Variants in SSH2 observed in about 807,000 individuals in gnomAD.
The protein encoded by SSH2 is protein phosphatase Slingshot homolog 2.
A neutral mutation model predicts 135.2 loss-of-function variants in SSH2; 37 were observed. The ratio of observed to expected loss-of-function variants is 0.27; its 90% CI spans 0.21 to 0.36. SSH2 has a LOEUF of 0.36. Among genes scored for constraint, SSH2 ranks in the 10% least tolerant of loss-of-function variants. SSH2 has a pLI of 1.00. For synonymous variants in SSH2, 628 were observed against 646.2 expected, an observed-to-expected ratio of 0.97 and a Z score of 0.43; for missense variants, 1,408 against 1,765.3, an observed-to-expected ratio of 0.80 and a Z score of 3.63.
chr17:29,742,847 C>A (rs1226335404), intron 3 of SSH2, among the ~76,000 whole-genome samples: 4 of 151,976 alleles, frequency 2.6e-5, no homozygotes, highest in Non-Finnish European at 4.4e-5. Flanking sequence ...GTTGGCCAGG[C>A]TGGTCTTGAA....
intron 3 of SSH2, among the ~76,000 whole-genome samples, chr17:29,750,990 C>T (rs1302964153): frequency 6.6e-6 from 1 of 152,128 alleles, no homozygotes; most frequent in Non-Finnish European, 1.5e-5. Flanking sequence ...TATCTTGCCA[C>T]ACTGGAAGGT....
At chr17:29,712,343 G>A (rs1407168589) in intron 3 of SSH2, among the ~76,000 whole-genome samples, 1 of 152,170 alleles carries the variant, frequency 6.6e-6, no homozygotes, top group Non-Finnish European at 1.5e-5. Flanking sequence ...GGGCAGTTTT[G>A]CCCTAAGCAC....
chr17:29,858,424 T>C (rs986420517), intron 1 of SSH2, among the ~76,000 whole-genome samples: 1 of 152,216 alleles, frequency 6.6e-6, no homozygotes, highest in African/African-American at 2.4e-5. Context: ...ATGTTTAAGT[T>C]TCAATCCCCA....
intron 2 of SSH2, among the ~76,000 whole-genome samples, chr17:29,819,593 A>G (rs1324220982): frequency 2.0e-5 from 3 of 152,252 alleles, no homozygotes; most frequent in Non-Finnish European, 2.9e-5. Flanking sequence ...CACTAACAAT[A>G]AGAAAAACTA....
chr17:29,762,046 A>G (rs1481552289), intron 3 of SSH2, among the ~76,000 whole-genome samples: 1 of 151,834 alleles, frequency 6.6e-6, no homozygotes, highest in Non-Finnish European at 1.5e-5. Flanking sequence ...ACGCCTGGCT[A>G]ATTTTTGTAT....
chr17:29,797,856 C>A (rs2042184425), intron 2 of SSH2, among the ~76,000 whole-genome samples: 1 of 151,998 alleles, frequency 6.6e-6, no homozygotes, highest in African/African-American at 2.4e-5. Context: ...CCACTGCATT[C>A]CAACCTGAGA....
chr17:29,768,087 T>C (rs945094961), intron 3 of SSH2, among the ~76,000 whole-genome samples: 5 of 152,104 alleles, frequency 3.3e-5, no homozygotes, highest in African/African-American at 1.2e-4. Context: ...CCATGATCTA[T>C]TAAATTAACT....
chr17:29,662,038 G>A (rs1451821967), intron 11 of SSH2, among the ~76,000 whole-genome samples: 1 of 152,116 alleles, frequency 6.6e-6, no homozygotes, highest in Non-Finnish European at 1.5e-5. Context: ...CCCCGCCCAT[G>A]CTTCATAGGC....
chr17:29,742,553 T>C lies in SSH2; in HGVS notation c.189-39491A>G, dbSNP rs2040604502. ...CTCACTATGTTGCCCAGGCTGGTCT[T>C]GAACTCTTGGGCCCAAGCAGTTCTC... On this transcript the variant is annotated intron_variant, in intron 3 of 15. Transcript: ENST00000540801. Among the ~76,000 whole-genome samples, 5 of 149,192 alleles carry C rather than the reference T, an allele frequency of 3.4e-5. 1 individual carries two copies. The highest frequency in any genetic ancestry group is 3.3e-4 in the Admixed American group (5 of 14,976).
rs149216988 is a variant in SSH2, at chr17:29,638,399, T to C, written c.1428-1597A>G. 3.8e-3 allele frequency among the ~76,000 whole-genome samples: 572 copies of C among 151,460 alleles called. 16 individuals are homozygous for C. Among genetic ancestry groups the C allele is most frequent in the Admixed American group, 0.035 (537 of 15,234 alleles). On this transcript the variant is annotated intron_variant, in intron 14 of 15. Transcript: ENST00000540801. ...CAAACACATTTGAAATTAGTGTCTATGTTAGAATAATATAGGAAAAAATCT... is the reference window on the plus strand; with the variant it reads ...CAAACACATTTGAAATTAGTGTCTACGTTAGAATAATATAGGAAAAAATCT...
intron 1 of SSH2, among the ~76,000 whole-genome samples, chr17:29,916,819 C>T (rs954897788): frequency 8.6e-5 from 13 of 152,012 alleles, no homozygotes; most frequent in Non-Finnish European, 1.6e-4. Context: ...GATGCTAACA[C>T]GTGGTTTATC....
chr17:29,826,757 C>T (rs1277372371), intron 2 of SSH2, among the ~76,000 whole-genome samples: 1 of 152,130 alleles, frequency 6.6e-6, no homozygotes, highest in African/African-American at 2.4e-5. Context: ...GACAGTGGCC[C>T]TGCTTGGGTC....
Position 29,833,968 on chromosome 17 carries a change from T to G in SSH2, c.144+14881A>C, listed in dbSNP as rs547013215. 4.1e-5 allele frequency among the ~76,000 whole-genome samples: 6 copies of G among 145,018 alleles called. No homozygotes were observed. The South Asian group carries it at 1.4e-3, about 33-fold the overall frequency. On this transcript the variant is annotated intron_variant, in intron 2 of 15. Coordinates refer to ENST00000540801, the MANE Select transcript of SSH2 (RefSeq NM_001282129.2). ...GCCTCCTTCCCTTCCTACCCTCCCT[T>G]TTTTGAAAGTTATTTTCTTTGATGT...
intron 3 of SSH2, among the ~76,000 whole-genome samples, chr17:29,705,886 C>G (rs1347630012): frequency 6.6e-6 from 1 of 152,150 alleles, no homozygotes; most frequent in African/African-American, 2.4e-5. Flanking sequence ...TTGTTTCCTT[C>G]AGAATATTTA....
intron 3 of SSH2, among the ~76,000 whole-genome samples, chr17:29,752,761 C>T (rs894822269): frequency 1.3e-5 from 2 of 150,592 alleles, no homozygotes; most frequent in Non-Finnish European, 2.9e-5. Flanking sequence ...TTGCCACATA[C>T]TCAGAATATA....
intron 2 of SSH2, among the ~76,000 whole-genome samples, chr17:29,805,419 T>G (rs944122876): frequency 2.6e-5 from 4 of 152,204 alleles, no homozygotes; most frequent in Admixed American, 2.6e-4. Flanking sequence ...CCTCCCAAAG[T>G]GCTGGGATTA....
chr17:29,903,759 A>T (rs1202718774), intron 1 of SSH2, among the ~76,000 whole-genome samples: 1 of 152,224 alleles, frequency 6.6e-6, no homozygotes, highest in African/African-American at 2.4e-5. Flanking sequence ...TATTCACCAA[A>T]TATGGATACA....
intron 3 of SSH2, among the ~76,000 whole-genome samples, chr17:29,732,534 T>C (rs2040230112): frequency 6.6e-6 from 1 of 152,188 alleles, no homozygotes; most frequent in African/African-American, 2.4e-5. Context: ...GGAAAGAGCA[T>C]TTCAGCCTAT....
At chr17:29,785,612 G>A (rs1452910454) in intron 3 of SSH2, among the ~76,000 whole-genome samples, 1 of 146,452 alleles carries the variant, frequency 6.8e-6, no homozygotes, top group Non-Finnish European at 1.5e-5. Context: ...CGATTCTCCT[G>A]CCTCAGCCTC....
Sources: allele counts gnomAD v4.1 joint callset (sites outside exome capture counted in the v4.1 genomes callset), GRCh38; gene constraint gnomAD v4.1.1; transcripts MANE v1.5; gene names NCBI Gene and HGNC (gene_info 2026-07-23, HGNC 2026-07-21).